Variants in CACNA1H observed in about 807,000 individuals in gnomAD.
CACNA1H encodes voltage-dependent T-type calcium channel subunit alpha-1H.
A neutral mutation model predicts 192.5 loss-of-function variants in CACNA1H; 149 were observed. The observed-to-expected ratio is 0.77, with a 90% CI of 0.68 to 0.89. The LOEUF (loss-of-function observed/expected upper bound fraction) is 0.89. Ranked by LOEUF, CACNA1H falls within the 40% of genes least tolerant of loss-of-function variation. The pLI, the probability that CACNA1H is intolerant of heterozygous loss-of-function variation, is 0.00. For synonymous variants in CACNA1H, 2,202 were observed against 1,475.2 expected, an observed-to-expected ratio of 1.49 and a Z score of -11.29; for missense variants, 4,257 against 3,423.5, an observed-to-expected ratio of 1.24 and a Z score of -6.08.
rs1970201158 is a variant in CACNA1H at position 1,218,317 on chromosome 16, G to A, written c.5553G>A (p.Leu1851=). The A allele has an allele frequency of 1.3e-6, 2 of 1,557,110 alleles. No homozygotes were observed. The highest frequency in any genetic ancestry group is 1.4e-5 in the African/African-American group (1 of 73,296). ...VTFVLVAQFV[L]VNVVVAVLMK... is the part of the protein sequence containing the mutation. ...TCGTGCTGGTGGCCCAGTTCGTGCT[G>A]GTGAACGTGGTGGTGGCCGTGCTCA... is the stretch of plus-strand genomic sequence containing the variant. The change falls in exon 33 of 35, where the codon CTG becomes CTA. Residue 1851 remains leucine (L), a synonymous_variant. Coordinates refer to ENST00000348261, the MANE Select transcript of CACNA1H (RefSeq NM_021098.3).
intron 32 of CACNA1H, 72 bp downstream of exon 32, chr16:1,218,112 G>C: frequency 6.4e-7 from 1 of 1,550,492 alleles, no homozygotes; most frequent in Non-Finnish European, 8.7e-7. Flanking sequence ...GGAACGGGTC[G>C]GATCCGTCCT....
At position 1,220,086 on chromosome 16, in the gene CACNA1H, G is replaced by T; in HGVS notation, c.6154G>T (p.Gly2052Trp). The change falls in exon 35 of 35, where the codon GGG becomes TGG. Residue 2052 changes from glycine to tryptophan, a missense_variant. Physicochemically the swap from Gly to Trp is radical, Grantham distance 184. Coordinates refer to ENST00000348261, the MANE Select transcript of CACNA1H (RefSeq NM_021098.3). ...EKTPVRPVTQ[G>W]GSLQSPPRSP... is the part of the protein sequence containing the mutation. ...AACCCCGGTGAGGCCGGTGACCCAG[G>T]GGGGCTCCCTGCAGTCCCCACCACG... The T allele has an allele frequency of 2.7e-6, 4 of 1,461,694 alleles. No homozygotes were observed. In the East Asian group the frequency reaches 8.0e-5, roughly 29 times the overall value. The allele number at this position is 1,461,694 out of a possible 1,614,324, so 90.5% of individuals were successfully genotyped here.
At position 1,221,218 on chromosome 16, in the gene CACNA1H, T is replaced by C; in HGVS notation, c.*224T>C. ...GTTCTGGTTCGGGTTTCTCCGAGTT[T>C]TGCTACCAGCCGAGGCTGTGCGGGC... On this transcript the variant is annotated 3_prime_UTR_variant, in exon 35 of 35. Transcript: ENST00000348261. 1 of 511,718 alleles carries C rather than the reference T, an allele frequency of 2.0e-6. No homozygotes were observed. The highest frequency in any genetic ancestry group is 3.4e-6 in the Non-Finnish European group (1 of 292,972). The allele number at this position is 511,718 out of a possible 1,614,324, so 31.7% of individuals were successfully genotyped here.
At chr16:1,212,204 C>G (rs1312594036) in intron 25 of CACNA1H, 66 bp downstream of exon 25, 2 of 1,515,820 alleles carry the variant, frequency 1.3e-6, no homozygotes, top group South Asian at 1.2e-5. Flanking sequence ...GGCCCTCCAG[C>G]CCCTCCACTC....
chr16:1,186,220 AG>A (rs1966042050), intron 2 of CACNA1H, among the ~76,000 whole-genome samples: 1 of 151,878 alleles, frequency 6.6e-6, no homozygotes, highest in South Asian at 2.1e-4. Context: ...TGGTCCTCCC[AG>A]GGCTGCTTGG....
chr16:1,211,138 G>A, intron 21 of CACNA1H, 30 bp from the exon 22 acceptor site: 1 of 1,608,744 alleles, frequency 6.2e-7, no homozygotes, highest in Non-Finnish European at 8.5e-7. Flanking sequence ...TGCCATAGAT[G>A]ACTGCAGTGT....
intron 32 of CACNA1H, 41 bp from the exon 33 acceptor site, chr16:1,218,169 G>A (rs568017307): frequency 3.9e-6 from 6 of 1,537,232 alleles, no homozygotes; most frequent in East Asian, 4.9e-5. Context: ...GGCACCCGCG[G>A]GTGGGTGTGG....
chr16:1,203,431 C>CGTCTCTGCACCTAAGTGT (rs1394342390), intron 9 of CACNA1H, among the ~76,000 whole-genome samples: 3 of 152,186 alleles, frequency 2.0e-5, no homozygotes, highest in Non-Finnish European at 4.4e-5. Flanking sequence ...GGCAGGCAAA[C>CGTCTCTGCACCTAAGTGT]GTCTCTGCAC....
At position 1,195,026 on chromosome 16, in the gene CACNA1H, C is replaced by T. The variant is rs1342020189; in HGVS notation, c.354C>T (p.Gly118=). The part of the protein sequence containing the change: ...LVIMLNCVTL[G]MFRPCEDVEC... ...TCATGCTCAACTGCGTGACCCTGGG[C>T]ATGTTCCGGCCCTGTGAGGACGTTG... The change falls in exon 3 of 35, where the codon GGC becomes GGT. Residue 118 remains glycine (G), a synonymous_variant. Transcript: ENST00000348261. 1.2e-6 allele frequency: 2 copies of T among 1,612,022 alleles called. No individual in the cohort carries two copies. Among genetic ancestry groups the T allele is most frequent in the Non-Finnish European group, 8.5e-7 (1 of 1,179,342 alleles).
At chr16:1,172,593 T>A (rs1162585962) in intron 2 of CACNA1H, among the ~76,000 whole-genome samples, 1 of 152,168 alleles carries the variant, frequency 6.6e-6, no homozygotes, top group Non-Finnish European at 1.5e-5. Context: ...CACCGCTGGA[T>A]CCTAGCAGGA....
At chr16:1,212,673 C>T (rs1175626036) in intron 26 of CACNA1H, 145 bp downstream of exon 26, 9 of 957,902 alleles carry the variant, frequency 9.4e-6, no homozygotes, top group Admixed American at 2.3e-5. Context: ...GGAGGGGCTG[C>T]GCTCGCCCGC....
Position 1,207,109 on chromosome 16 carries a change from C to G in CACNA1H, c.2898C>G (p.Thr966=). The change falls in exon 13 of 35, where the codon ACC becomes ACG. Residue 966 remains threonine, a synonymous_variant. Transcript: ENST00000348261. ...NFDSLLWAIV[T]VFQILTQEDW... ...ACTCCCTGCTGTGGGCCATCGTCAC[C>G]GTGTTCCAGGTAGTGCCCGGGGTCC... 1 of 1,590,950 alleles carries G rather than the reference C, an allele frequency of 6.3e-7. No homozygotes were observed. Among genetic ancestry groups the G allele is most frequent in the Non-Finnish European group, 8.6e-7 (1 of 1,168,360 alleles).
Position 1,210,975 on chromosome 16 carries a change from G to A in CACNA1H, c.4223+4G>A, listed in dbSNP as rs770918026. 2 of 1,592,764 alleles carry A rather than the reference G, an allele frequency of 1.3e-6. No homozygotes were observed. Among genetic ancestry groups the A allele is most frequent in the South Asian group, 2.2e-5 (2 of 90,794 alleles). On this transcript the variant is annotated splice_donor_region_variant and intron_variant, in intron 21 of 34. Transcript: ENST00000348261. ...TGCGGACCCTGCGGCCTCTGAGGTGGGGGGCTCCCCGTGGGCTCCCGGGGC... is the reference window on the plus strand; with the variant it reads ...TGCGGACCCTGCGGCCTCTGAGGTGAGGGGCTCCCCGTGGGCTCCCGGGGC...
intron 2 of CACNA1H, among the ~76,000 whole-genome samples, chr16:1,164,411 C>T (rs1057158102): frequency 6.6e-6 from 1 of 152,162 alleles, no homozygotes; most frequent in Non-Finnish European, 1.5e-5. Flanking sequence ...CCCCTCACTG[C>T]CACCTCGATC....
At chr16:1,175,069 A>T (rs918267810) in intron 2 of CACNA1H, among the ~76,000 whole-genome samples, 41 of 152,136 alleles carry the variant, frequency 2.7e-4, no homozygotes, top group African/African-American at 7.7e-4. Context: ...TACTCTACGC[A>T]CAGGTCAACT....
rs529327549 is a variant in CACNA1H, at chr16:1,219,059, G to A, written c.5977G>A (p.Glu1993Lys). 1.7e-5 allele frequency: 27 copies of A among 1,549,840 alleles called. No individual in the cohort carries two copies. Among genetic ancestry groups the A allele is most frequent in the African/African-American group, 8.2e-5 (6 of 73,150 alleles). Reference sequence around the variant, plus strand: ...TGTGTCGTCCCCAGCCAGGAGCGGCGAGCCCCTCCACGCCCTGTCCCCTCG... The same window carrying A: ...TGTGTCGTCCCCAGCCAGGAGCGGCAAGCCCCTCCACGCCCTGTCCCCTCG... ...LAVSSPARSG[E>K]PLHALSPRGT... Residue 1993 changes from glutamate (E) to lysine (K), a missense_variant, in exon 34 of 35, where the codon GAG (glutamate) becomes AAG (lysine). Transcript: ENST00000348261.
rs147092850 is a variant in CACNA1H, at chr16:1,208,514, G to A, written c.3363+293G>A. Among the ~76,000 whole-genome samples the A allele has an allele frequency of 7.0e-4, 107 of 152,328 alleles. No homozygotes were observed. Among genetic ancestry groups the A allele is most frequent in the Non-Finnish European group, 1.2e-3 (84 of 68,032 alleles). On this transcript the variant is annotated intron_variant, in intron 16 of 34. Coordinates refer to ENST00000348261, the MANE Select transcript of CACNA1H (RefSeq NM_021098.3). ...AGCAAGCAGGGGCAGAAGCGTGCCC[G>A]GCAAGCAGACGGCAGGCCAGGCGGG...
chr16:1,210,256 C>T, intron 18 of CACNA1H, 114 bp from the exon 19 acceptor site: 3 of 1,247,540 alleles, frequency 2.4e-6, no homozygotes, highest in Non-Finnish European at 2.3e-6. Flanking sequence ...CCCCTTCTCA[C>T]ACCGCAGGGA....
rs1184282257 is a variant in CACNA1H, at chr16:1,195,075, A to G, written c.403A>G (p.Ile135Val). The part of the protein sequence containing the change: ...DVECGSERCN[I>V]LEAFDAFIFA... Reference sequence around the variant, plus strand: ...TGAGTGCGGCTCCGAGCGCTGCAACATCCTGGAGGTGAGGGGCGTGGGTCG... The same window carrying G: ...TGAGTGCGGCTCCGAGCGCTGCAACGTCCTGGAGGTGAGGGGCGTGGGTCG... Residue 135 changes from isoleucine (I) to valine (V), a missense_variant, in exon 3 of 35, where the codon ATC becomes GTC. By Grantham distance (29) the Ile-to-Val change is conservative. Coordinates refer to ENST00000348261, the MANE Select transcript of CACNA1H (RefSeq NM_021098.3). The G allele has an allele frequency of 4.7e-6, 7 of 1,482,962 alleles. No individual in the cohort carries two copies. The highest frequency in any genetic ancestry group is 3.6e-5 in the Admixed American group (2 of 55,662). The allele number at this position is 1,482,962 out of a possible 1,614,324, so 91.9% of individuals were successfully genotyped here.
Sources: gnomAD v4.1 joint callset for allele counts (sites outside exome capture counted in the v4.1 genomes callset) on GRCh38, gnomAD v4.1.1 for gene constraint, MANE v1.5 for transcripts, NCBI Gene and HGNC (gene_info 2026-07-23, HGNC 2026-07-21) for gene names.